The following SORCS2 variants were observed in gnomAD, a reference collection of about 807,000 sequenced individuals.
The protein encoded by SORCS2 is VPS10 domain-containing receptor SorCS2.
In SORCS2, 100 loss-of-function variants were observed where a neutral mutation model predicts 141.6. The ratio of observed to expected loss-of-function variants is 0.71; its 90% CI spans 0.60 to 0.83. The LOEUF (loss-of-function observed/expected upper bound fraction) is 0.83, where lower values mean the gene tolerates loss of function less well. SORCS2 is among the 40% of genes least tolerant of loss of function. SORCS2 has a pLI of 0.00. For missense variants in SORCS2, 1,646 were observed against 1,560.2 expected (o/e 1.05, Z -0.93); for synonymous variants, 789 against 676.9 (o/e 1.17, Z -2.57).
At chr4:7,337,584 G>T (rs1021151352) in intron 1 of SORCS2, among the ~76,000 whole-genome samples, 1 of 152,184 alleles carries the variant, frequency 6.6e-6, no homozygotes, top group East Asian at 1.9e-4. Flanking sequence ...CAAGGCTGGT[G>T]GTAGTAGGCC....
At chr4:7,541,355 T>A (rs945077017) in intron 3 of SORCS2, among the ~76,000 whole-genome samples, 8 of 152,218 alleles carry the variant, frequency 5.3e-5, no homozygotes, top group African/African-American at 1.9e-4. Context: ...ATGGGAAGCC[T>A]TGCTAACTTT....
At chr4:7,485,196 G>A (rs1381319765) in intron 2 of SORCS2, among the ~76,000 whole-genome samples, 1 of 152,232 alleles carries the variant, frequency 6.6e-6, no homozygotes, top group African/African-American at 2.4e-5. Context: ...GGCTCCTGCA[G>A]CCTTCGGTCC....
chr4:7,311,749 A>G (rs1224328406), intron 1 of SORCS2, among the ~76,000 whole-genome samples: 1 of 152,142 alleles, frequency 6.6e-6, no homozygotes, highest in African/African-American at 2.4e-5. Context: ...TGCTTTTGTC[A>G]TGGTTATAGT....
intron 1 of SORCS2, among the ~76,000 whole-genome samples, chr4:7,328,503 G>GT (rs1719428625): frequency 1.3e-5 from 2 of 152,134 alleles, no homozygotes. Flanking sequence ...GCACAGGTTT[G>GT]TTTTAGTGAG....
At chr4:7,455,037 TGCTGTGTGTTGGGGTCAGA>T (rs1728791004) in intron 2 of SORCS2, among the ~76,000 whole-genome samples, 1 of 28,518 alleles carries the variant, frequency 3.5e-5, no homozygotes, top group Admixed American at 4.5e-4. Context: ...TGGGGTCAGG[TGCTGTGTGTTGGGGTCAGA>T]TGCTGTGTTG....
At chr4:7,224,443 C>T (rs565449476) in intron 1 of SORCS2, among the ~76,000 whole-genome samples, 9 of 151,716 alleles carry the variant, frequency 5.9e-5, no homozygotes, top group South Asian at 4.2e-4. Flanking sequence ...TTGGCCAAGT[C>T]GTGTCCTCTG....
chr4:7,321,568 C>G (rs921845644), intron 1 of SORCS2, among the ~76,000 whole-genome samples: 4 of 152,216 alleles, frequency 2.6e-5, no homozygotes, highest in African/African-American at 9.7e-5. Context: ...GATGCCTGCT[C>G]TCATGCAGCT....
At chr4:7,660,750 A>T (rs1261307545) in intron 5 of SORCS2, among the ~76,000 whole-genome samples, 3 of 152,236 alleles carry the variant, frequency 2.0e-5, no homozygotes, top group Non-Finnish European at 4.4e-5. Flanking sequence ...CACAATGTAC[A>T]GTCCAGGCCC....
At chr4:7,309,995 A>T (rs940358094) in intron 1 of SORCS2, among the ~76,000 whole-genome samples, 10 of 152,178 alleles carry the variant, frequency 6.6e-5, no homozygotes, top group Admixed American at 1.3e-4. Flanking sequence ...GGGGATTCAA[A>T]CTCAAAGGCT....
intron 1 of SORCS2, among the ~76,000 whole-genome samples, chr4:7,277,855 G>A (rs779120209): frequency 7.7e-4 from 118 of 152,298 alleles, no homozygotes; most frequent in Admixed American, 2.8e-3. Context: ...ACCTGATGGT[G>A]GCTAGGAGTG....
rs575042063 is a variant in SORCS2 at position 7,713,820 on chromosome 4, T to A, written c.1990-420T>A. ...GGCATCCTCACTGGCCCCACCCCTGTCACTGCCACAGCAGCTGTTGCAGGG... is the reference window on the plus strand; with the variant it reads ...GGCATCCTCACTGGCCCCACCCCTGACACTGCCACAGCAGCTGTTGCAGGG... On this transcript the variant is annotated intron_variant, in intron 15 of 26. Coordinates refer to ENST00000507866, the MANE Select transcript of SORCS2 (RefSeq NM_020777.3). 7.2e-5 allele frequency among the ~76,000 whole-genome samples: 11 copies of A among 152,292 alleles called. No individual in the cohort carries two copies. In the East Asian group the frequency reaches 1.7e-3, roughly 24 times the overall value.
intron 4 of SORCS2, among the ~76,000 whole-genome samples, chr4:7,639,931 A>C (rs1048524315): frequency 3.0e-4 from 14 of 46,082 alleles, no homozygotes; most frequent in African/African-American, 8.2e-4. Flanking sequence ...GTTTGTGAGA[A>C]TATGTCTGTG....
chr4:7,227,089 G>A (rs368053394), intron 1 of SORCS2, among the ~76,000 whole-genome samples: 13 of 152,294 alleles, frequency 8.5e-5, no homozygotes, highest in East Asian at 3.9e-4. Context: ...GTACTCTTAC[G>A]CACTTGTGGG....
chr4:7,222,069 AG>A (rs1244583875), intron 1 of SORCS2, among the ~76,000 whole-genome samples: 2 of 152,156 alleles, frequency 1.3e-5, no homozygotes, highest in African/African-American at 4.8e-5. Context: ...CCACCAGACA[AG>A]GGGAAAGGGC....
rs568971342 is a variant in SORCS2, at chr4:7,511,097, A to G, written c.549-20433A>G. Among the ~76,000 whole-genome samples the G allele has an allele frequency of 4.6e-5, 7 of 152,240 alleles. No homozygotes were observed. In the South Asian group the frequency reaches 1.5e-3, roughly 32 times the overall value. On this transcript the variant is annotated intron_variant, in intron 2 of 26. Coordinates refer to ENST00000507866, the MANE Select transcript of SORCS2 (RefSeq NM_020777.3). Reference sequence around the variant, plus strand: ...CGGAAGAGGATGAATGAGGGAGAGAATGGCTCACACAGAAATTCAGAGACA... The same window carrying G: ...CGGAAGAGGATGAATGAGGGAGAGAGTGGCTCACACAGAAATTCAGAGACA...
At chr4:7,703,181 G>A (rs1353503968) in intron 12 of SORCS2, 99 bp from the exon 13 acceptor site, 14 of 929,340 alleles carry the variant, frequency 1.5e-5, no homozygotes, top group African/African-American at 6.7e-5. Context: ...AACAACCCCC[G>A]GCTGCACATT....
intron 1 of SORCS2, among the ~76,000 whole-genome samples, chr4:7,247,162 C>T (rs908994633): frequency 1.3e-5 from 2 of 152,122 alleles, no homozygotes; most frequent in African/African-American, 4.8e-5. Flanking sequence ...CCAACAAGAC[C>T]CCAGGTGTGG....
intron 2 of SORCS2, among the ~76,000 whole-genome samples, chr4:7,477,099 C>T (rs1359810611): frequency 1.4e-4 from 22 of 152,214 alleles, no homozygotes; most frequent in Admixed American, 1.2e-3. Flanking sequence ...AGAAACAGCC[C>T]ACAGGGTTCC....
rs1286984569 is a variant in SORCS2 at position 7,286,318 on chromosome 4, G to T, written c.480+93192G>T. 6.6e-6 allele frequency among the ~76,000 whole-genome samples: 1 copy of T among 152,234 alleles called. No individual in the cohort carries two copies. Among genetic ancestry groups the T allele is most frequent in the African/African-American group, 2.4e-5 (1 of 41,450 alleles). On this transcript the variant is annotated intron_variant, in intron 1 of 26. Transcript: ENST00000507866. This position sits in a 1 kb window ranked among gnomAD's most constrained non-coding sequence, Gnocchi z 4.1. ...CTGGAGCCACCGCTGGAGAGAGCAG[G>T]CCTGTTGTGGGAGCAGCGGAAGAGC...
Sources: gnomAD v4.1 joint callset for allele counts (sites outside exome capture counted in the v4.1 genomes callset) on GRCh38, gnomAD v4.1.1 for gene constraint, Gnocchi (gnomAD v3.1) non-coding constraint, MANE v1.5 for transcripts, NCBI Gene and HGNC (gene_info 2026-07-23, HGNC 2026-07-21) for gene names.